NCOA1: variants seen among roughly 807,000 people sequenced by gnomAD.
NCOA1 encodes the protein nuclear receptor coactivator 1, also known as Hin-2 protein.
In NCOA1, 35 loss-of-function variants were observed where a neutral mutation model predicts 150.9. The observed-to-expected ratio is 0.23, with a 90% CI of 0.18 to 0.31. The LOEUF (loss-of-function observed/expected upper bound fraction) is 0.31. NCOA1 is among the 10% of genes least tolerant of loss of function. The pLI is 1.00. For synonymous variants in NCOA1, 590 were observed against 630.0 expected, an observed-to-expected ratio of 0.94 and a Z score of 0.95; for missense variants, 1,491 against 1,749.3, an observed-to-expected ratio of 0.85 and a Z score of 2.63.
intron 1 of NCOA1, among the ~76,000 whole-genome samples, chr2:24,556,971 A>G (rs1389724542): frequency 1.3e-5 from 2 of 151,122 alleles, no homozygotes; most frequent in East Asian, 1.9e-4. Context: ...CCTTGATACT[A>G]TTGATATTTT....
At chr2:24,679,465 C>T (rs935229638) in intron 7 of NCOA1, among the ~76,000 whole-genome samples, 1 of 152,150 alleles carries the variant, frequency 6.6e-6, no homozygotes, top group Non-Finnish European at 1.5e-5. Context: ...GGAATTCTGG[C>T]AGGTCTTCCA....
intron 1 of NCOA1, among the ~76,000 whole-genome samples, chr2:24,519,285 C>G (rs1039598903): frequency 1.3e-5 from 2 of 151,944 alleles, no homozygotes; most frequent in African/African-American, 2.4e-5. Context: ...AAACATTAGG[C>G]TAATTGAAAA....
intron 1 of NCOA1, among the ~76,000 whole-genome samples, chr2:24,524,391 G>A (rs1031031007): frequency 1.3e-5 from 2 of 152,066 alleles, no homozygotes; most frequent in African/African-American, 4.8e-5. Flanking sequence ...TCAACCTCCT[G>A]GACTCAACCC....
At chr2:24,500,515 C>G (rs1305500927) in intron 1 of NCOA1, among the ~76,000 whole-genome samples, 1 of 152,148 alleles carries the variant, frequency 6.6e-6, no homozygotes, top group African/African-American at 2.4e-5. Flanking sequence ...TTTACAGGGG[C>G]TTGGGTAACT....
At chr2:24,712,581 G>A (rs1262396537) in intron 14 of NCOA1, among the ~76,000 whole-genome samples, 1 of 152,148 alleles carries the variant, frequency 6.6e-6, no homozygotes, top group Non-Finnish European at 1.5e-5. Flanking sequence ...TCAGTACTTG[G>A]AGGAAACTCT....
chr2:24,495,091 T>C (rs1663142833), intron 1 of NCOA1, among the ~76,000 whole-genome samples: 3 of 135,754 alleles, frequency 2.2e-5, no homozygotes, highest in African/African-American at 8.0e-5. Flanking sequence ...GAGATGAAGG[T>C]GTTTTTTTTT....
intron 9 of NCOA1, 64 bp from the exon 10 acceptor site, chr2:24,693,188 G>T (rs55671944): frequency 6.9e-7 from 1 of 1,442,582 alleles, no homozygotes; most frequent in East Asian, 2.3e-5. Context: ...CATTAATGGC[G>T]AGTGATAGAT....
At chr2:24,670,813 G>A (rs1190413144) in intron 6 of NCOA1, among the ~76,000 whole-genome samples, 1 of 152,148 alleles carries the variant, frequency 6.6e-6, no homozygotes, top group Non-Finnish European at 1.5e-5. Flanking sequence ...CCTTAAATGA[G>A]TTAATTGCGT....
rs375111492 is a variant in NCOA1, at chr2:24,683,080, G to A, written c.484G>A (p.Val162Met). 5 of 1,588,878 alleles carry A rather than the reference G, an allele frequency of 3.1e-6. No homozygotes were observed. The highest frequency in any genetic ancestry group is 2.4e-5 in the South Asian group (2 of 85,102). The change falls in exon 8 of 23, where the codon GTG becomes ATG. Residue 162 changes from valine to methionine, a missense_variant. By Grantham distance (21) the Val-to-Met change is conservative. This residue lies in a region of NCOA1 where 80 missense variants were observed against 163.0 expected (regional missense o/e 0.49). Coordinates refer to ENST00000348332, the MANE Select transcript of NCOA1 (RefSeq NM_003743.5). ...MNTSVYSILHVGDHAEFVKNL... is the reference protein window; with the variant it reads ...MNTSVYSILHMGDHAEFVKNL... Reference sequence around the variant, plus strand: ...TACGAGCGTCTACAGCATACTGCACGTGGGGGATCATGCAGAATTTGTGAA... The same window carrying A: ...TACGAGCGTCTACAGCATACTGCACATGGGGGATCATGCAGAATTTGTGAA...
intron 1 of NCOA1, among the ~76,000 whole-genome samples, chr2:24,502,502 A>G (rs1663506999): frequency 6.6e-6 from 1 of 152,134 alleles, no homozygotes; most frequent in Non-Finnish European, 1.5e-5. Flanking sequence ...TGATTATCCT[A>G]ATTTTTACTT....
intron 11 of NCOA1, among the ~76,000 whole-genome samples, chr2:24,699,035 A>G (rs926671243): frequency 6.6e-6 from 1 of 152,148 alleles, no homozygotes; most frequent in Admixed American, 6.5e-5. Flanking sequence ...TGTATTTTTT[A>G]AAAGTTTCCC....
rs796376458 is a variant in NCOA1, at chr2:24,633,986, A to G, written c.-174-9980A>G. Among the ~76,000 whole-genome samples the G allele has an allele frequency of 3.9e-5, 6 of 152,356 alleles. 1 individual carries two copies. The highest frequency in any genetic ancestry group is 1.4e-4 in the African/African-American group (6 of 41,584). The stretch of plus-strand genomic sequence containing the variant: ...GCTAAGATGTGGTATATTCACATAC[A>G]CATATGAACAGAACACATGCACACT... On this transcript the variant is annotated intron_variant, in intron 3 of 22. Coordinates refer to ENST00000348332, the MANE Select transcript of NCOA1 (RefSeq NM_003743.5).
chr2:24,769,795 G>A lies in NCOA1; in HGVS notation c.*1404G>A, dbSNP rs1295304420. 4.5e-6 allele frequency: 1 copy of A among 222,860 alleles called. No individual in the cohort carries two copies. Among genetic ancestry groups the A allele is most frequent in the African/African-American group, 2.2e-5 (1 of 44,696 alleles). The allele number at this position is 222,860 out of a possible 1,614,324, so 13.8% of individuals were successfully genotyped here. A position where few individuals can be genotyped will look rare whatever the true frequency, so the allele number is the denominator to read the frequency against. On this transcript the variant is annotated 3_prime_UTR_variant, in exon 23 of 23. Transcript: ENST00000348332. ...TCTAGAAGTTCCGCTGCAAGGCCAG[G>A]AAAGCTTGAGAAAGGTATTGTGGAA... is the stretch of plus-strand genomic sequence containing the variant.
chr2:24,645,052 A>G (rs1200357747), intron 4 of NCOA1, among the ~76,000 whole-genome samples: 3 of 152,184 alleles, frequency 2.0e-5, no homozygotes, highest in South Asian at 2.1e-4. Context: ...TAGTTGGCCA[A>G]CAATGCCTGT....
chr2:24,678,942 T>C (rs566865913), intron 7 of NCOA1, among the ~76,000 whole-genome samples: 77 of 152,374 alleles, frequency 5.1e-4, no homozygotes, highest in African/African-American at 1.8e-3. Context: ...ATTTTCATCA[T>C]GAAATCTCTG....
chr2:24,628,320 C>A (rs1669526937), intron 3 of NCOA1, among the ~76,000 whole-genome samples: 1 of 146,558 alleles, frequency 6.8e-6, no homozygotes, highest in South Asian at 2.2e-4. Context: ...AAAAAAAAAT[C>A]TGTTATGTAC....
intron 1 of NCOA1, among the ~76,000 whole-genome samples, chr2:24,519,677 T>C (rs1664343578): frequency 1.4e-5 from 2 of 138,618 alleles, no homozygotes; most frequent in Non-Finnish European, 1.6e-5. Flanking sequence ...AAAAATTAGC[T>C]GGGTTAGGTG....
chr2:24,586,709 C>G (rs1318297870), intron 3 of NCOA1, among the ~76,000 whole-genome samples: 2 of 152,208 alleles, frequency 1.3e-5, no homozygotes, highest in Non-Finnish European at 2.9e-5. Context: ...CTGCCTTGGC[C>G]TCCCAAAGTG....
intron 7 of NCOA1, among the ~76,000 whole-genome samples, chr2:24,674,119 A>ATGTGTG (rs374109233): frequency 3.6e-4 from 25 of 68,754 alleles, no homozygotes; most frequent in Admixed American, 1.4e-3. Context: ...AGACATATGT[A>ATGTGTG]TGTATGTGTG....
Sources: gnomAD v4.1 joint callset for allele counts (sites outside exome capture counted in the v4.1 genomes callset) on GRCh38, gnomAD v4.1.1 for gene constraint, gnomAD v4.1.1 regional missense constraint, MANE v1.5 for transcripts, NCBI Gene and HGNC (gene_info 2026-07-23, HGNC 2026-07-21) for gene names.